F11: variants seen among roughly 807,000 people sequenced by gnomAD.
F11 encodes the protein coagualtion factor XI.
F11 carries 78 observed loss-of-function variants against 76.5 expected under a neutral mutation model. That is an observed-to-expected ratio of 1.02 (90% CI 0.85 to 1.23). The LOEUF (loss-of-function observed/expected upper bound fraction) is 1.23. Among genes scored for constraint, F11 ranks in the 50% most tolerant of loss-of-function variants. F11 has a pLI of 0.00. For synonymous variants in F11, 278 were observed against 276.3 expected (o/e 1.01, Z -0.06); for missense variants, 742 against 771.4 (o/e 0.96, Z 0.45).
chr4:186,276,403 C>CAAG lies in F11; in HGVS notation c.755+14_755+16dup. ...AAGAATCTCAAAGGTAAGGAGTTAA[C>CAAG]AAGTAAGGATAATTTGTTATCTTCT... is the stretch of plus-strand genomic sequence containing the variant. On this transcript the variant is annotated intron_variant, in intron 7 of 14. Transcript: ENST00000403665. 1 of 1,613,300 alleles carries CAAG rather than the reference C, an allele frequency of 6.2e-7. No individual in the cohort carries two copies. The highest frequency in any genetic ancestry group is 8.5e-7 in the Non-Finnish European group (1 of 1,179,530).
At chr4:186,282,449 C>T (rs1403833116) in intron 10 of F11, 18 of 985,232 alleles carry the variant, frequency 1.8e-5, no homozygotes, top group Admixed American at 6.2e-5. Context: ...ATTTATGGTG[C>T]CTTGTCTGTC....
chr4:186,278,078 C>G (rs1274309139), intron 7 of F11, among the ~76,000 whole-genome samples: 1 of 152,220 alleles, frequency 6.6e-6, no homozygotes, highest in Non-Finnish European at 1.5e-5. Context: ...GGATTACAAG[C>G]CTGAGCCACT....
chr4:186,280,329 C>T lies in F11; in HGVS notation c.972C>T (p.Ala324=), dbSNP rs770952457. The T allele has an allele frequency of 5.6e-6, 9 of 1,614,052 alleles. No homozygotes were observed. The highest frequency in any genetic ancestry group is 2.7e-5 in the African/African-American group (2 of 74,930). Residue 324 remains alanine, a synonymous_variant, in exon 9 of 15, where the codon GCC becomes GCT. Coordinates refer to ENST00000403665, the MANE Select transcript of F11 (RefSeq NM_000128.4). ...HEACQKLCTN[A]VRCQFFTYTP... ...CCTGCCAGAAACTGTGCACCAATGCCGTCCGCTGCCAGTTTTTTACCTATA... is the reference window on the plus strand; with the variant it reads ...CCTGCCAGAAACTGTGCACCAATGCTGTCCGCTGCCAGTTTTTTACCTATA...
chr4:186,282,573 C>T, intron 10 of F11: 2 of 985,394 alleles, frequency 2.0e-6, no homozygotes, highest in East Asian at 1.1e-4. Context: ...TTCGTTTAAA[C>T]TGAGAAACAG....
chr4:186,280,053 G>T lies in F11; in HGVS notation c.797G>T (p.Ser266Ile), dbSNP rs145168351. ...LLKTSESGLP[S>I]TRIKKSKALS... is the part of the protein sequence containing the mutation. ...AAAACATCTGAGAGTGGATTGCCCAGTACACGCATTAAAAAGAGCAAAGCT... is the reference window on the plus strand; with the variant it reads ...AAAACATCTGAGAGTGGATTGCCCATTACACGCATTAAAAAGAGCAAAGCT... Residue 266 changes from serine to isoleucine, a missense_variant, in exon 8 of 15, where the codon AGT becomes ATT. Coordinates refer to ENST00000403665, the MANE Select transcript of F11 (RefSeq NM_000128.4). 6.2e-7 allele frequency: 1 copy of T among 1,614,106 alleles called. No homozygotes were observed. Among genetic ancestry groups the T allele is most frequent in the Non-Finnish European group, 8.5e-7 (1 of 1,179,986 alleles).
At chr4:186,286,573 TGTCAA>T in intron 13 of F11, 63 bp downstream of exon 13, 2 of 1,601,392 alleles carry the variant, frequency 1.2e-6, no homozygotes, top group South Asian at 2.2e-5. Context: ...TTTTCTGCCC[TGTCAA>T]GTCATGTAGC....
At chr4:186,267,215 A>G (rs1739574505) in intron 2 of F11, 24 bp downstream of exon 2, 2 of 1,403,148 alleles carry the variant, frequency 1.4e-6, no homozygotes, top group East Asian at 2.3e-5. Flanking sequence ...TATCTTAACT[A>G]TGGGCTGGGA....
intron 10 of F11, chr4:186,282,927 T>G (rs1488200298): frequency 1.0e-6 from 1 of 985,404 alleles, no homozygotes. Context: ...CTAGAAAGGT[T>G]GTTTTACACC....
chr4:186,290,561 A>G (rs1476880617), downstream of F11, among the ~76,000 whole-genome samples: 1 of 152,222 alleles, frequency 6.6e-6, no homozygotes, highest in Non-Finnish European at 1.5e-5. Context: ...TGAGAAGCAT[A>G]TTATTTGAGA....
chr4:186,279,949 G>A (rs566387917), intron 7 of F11, 63 bp from the exon 8 acceptor site: 18 of 1,224,354 alleles, frequency 1.5e-5, no homozygotes, highest in East Asian at 2.3e-5. Context: ...TTCTCTAGGT[G>A]CTGTAAAAAT....
At chr4:186,276,943 A>G (rs1310427647) in intron 7 of F11, among the ~76,000 whole-genome samples, 1 of 152,194 alleles carries the variant, frequency 6.6e-6, no homozygotes, top group Non-Finnish European at 1.5e-5. Context: ...TTTTAGGTAC[A>G]GGTACAGTTG....
Position 186,275,527 on chromosome 4 carries a change from G to A in F11, c.486-260G>A, listed in dbSNP as rs374851668. On this transcript the variant is annotated intron_variant, in intron 5 of 14. Coordinates refer to ENST00000403665, the MANE Select transcript of F11 (RefSeq NM_000128.4). ...AAAAAACAAAAAATGAGAAGGGCTTGAGAAGTCATTCATTCATGCACTCTC... is the reference window on the plus strand; with the variant it reads ...AAAAAACAAAAAATGAGAAGGGCTTAAGAAGTCATTCATTCATGCACTCTC... 2.3e-3 allele frequency among the ~76,000 whole-genome samples: 356 copies of A among 152,074 alleles called. 2 individuals are homozygous for A. The highest frequency in any genetic ancestry group is 8.1e-3 in the African/African-American group (336 of 41,492).
rs373241880 is a variant in F11 at position 186,274,284 on chromosome 4, G to A, written c.485+9G>A. On this transcript the variant is annotated intron_variant, in intron 5 of 14. Coordinates refer to ENST00000403665, the MANE Select transcript of F11 (RefSeq NM_000128.4). Reference sequence around the variant, plus strand: ...CCCAGCCTGGAGCATCGGTGAGTGAGTCCCAGGACATTCGAGTGGTCGATG... The same window carrying A: ...CCCAGCCTGGAGCATCGGTGAGTGAATCCCAGGACATTCGAGTGGTCGATG... 2.7e-5 allele frequency: 44 copies of A among 1,614,070 alleles called. No individual in the cohort carries two copies. Among genetic ancestry groups the A allele is most frequent in the Non-Finnish European group, 3.6e-5 (43 of 1,180,042 alleles).
At chr4:186,275,583 C>T (rs1740300062) in intron 5 of F11, among the ~76,000 whole-genome samples, 2 of 152,152 alleles carry the variant, frequency 1.3e-5, no homozygotes, top group South Asian at 4.1e-4. Context: ...CTCAAGCTGT[C>T]ATTATACTGA....
At position 186,286,227 on chromosome 4, in the gene F11, C is replaced by T. The variant is rs2289252; in HGVS notation, c.1481-188C>T. 0.37 allele frequency: 219,480 copies of T among 591,776 alleles called. 41,802 individuals carry two copies. The highest frequency in any genetic ancestry group is 0.4 in the Non-Finnish European group (133,286 of 331,696). The allele number at this position is 591,776 out of a possible 1,614,324, so 36.7% of individuals were successfully genotyped here. A position where few individuals can be genotyped will look rare whatever the true frequency, so the allele number is the denominator to read the frequency against. On this transcript the variant is annotated intron_variant, in intron 12 of 14. Coordinates refer to ENST00000403665, the MANE Select transcript of F11 (RefSeq NM_000128.4). ...GTGAGGGTGAGGCTTGTCTCTCTCT[C>T]GCCCTCTCATCCTGGCACATGTGCG...
intron 10 of F11, chr4:186,282,329 T>TA: frequency 1.0e-6 from 1 of 985,422 alleles, no homozygotes; most frequent in Non-Finnish European, 1.2e-6. Context: ...AATAAAGTCT[T>TA]ACGTCTTTTC....
intron 11 of F11, 134 bp downstream of exon 11, chr4:186,284,394 T>TA (rs1419994515): frequency 6.4e-6 from 6 of 943,274 alleles, no homozygotes; most frequent in African/African-American, 4.9e-5. Context: ...GCTTCAGTGG[T>TA]AAAAAACGCA....
Position 186,289,325 on chromosome 4 carries a change from T to C in F11, c.*711T>C, listed in dbSNP as rs1741431735. Among the ~76,000 whole-genome samples the C allele has an allele frequency of 6.6e-6, 1 of 152,192 alleles. No homozygotes were observed. Among genetic ancestry groups the C allele is most frequent in the Non-Finnish European group, 1.5e-5 (1 of 68,044 alleles). ...GAAAAATGATTTGTGATGGATTGTA[T>C]ATTTATTTAAAATATCTTGGGAGGG... On this transcript the variant is annotated 3_prime_UTR_variant, in exon 15 of 15. Coordinates refer to ENST00000403665, the MANE Select transcript of F11 (RefSeq NM_000128.4).
At position 186,284,175 on chromosome 4, in the gene F11, A is replaced by C. The variant is rs369822221; in HGVS notation, c.1219A>C (p.Thr407Pro). 2.5e-6 allele frequency: 4 copies of C among 1,614,134 alleles called. No individual in the cohort carries two copies. The highest frequency in any genetic ancestry group is 3.4e-6 in the Non-Finnish European group (4 of 1,180,058). The change falls in exon 11 of 15, where the codon ACA (threonine) becomes CCA (proline). Residue 407 changes from threonine to proline, a missense_variant. Transcript: ENST00000403665. ...GTGGCCGTGGCAGGTGACCCTGCAC[A>C]CAACCTCACCCACTCAGAGACACCT... ...GEWPWQVTLHTTSPTQRHLCG... is the reference protein window; with the variant it reads ...GEWPWQVTLHPTSPTQRHLCG...
Sources: allele counts gnomAD v4.1 joint callset (sites outside exome capture counted in the v4.1 genomes callset), GRCh38; gene constraint gnomAD v4.1.1; transcripts MANE v1.5; gene names NCBI Gene and HGNC (gene_info 2026-07-23, HGNC 2026-07-21).